Variants in MRC1 observed in about 807,000 individuals in gnomAD.
MRC1 encodes the protein mannose receptor C-type 1, also known as macrophage mannose receptor 1.
A neutral mutation model predicts 102.9 loss-of-function variants in MRC1; 62 were observed. That is an observed-to-expected ratio of 0.60 (90% CI 0.49 to 0.74). The LOEUF is 0.74. Ranked by LOEUF, MRC1 falls within the 30% of genes least tolerant of loss-of-function variation. MRC1 has a pLI of 0.00. For synonymous variants in MRC1, 457 were observed against 298.4 expected, an observed-to-expected ratio of 1.53 and a Z score of -5.48; for missense variants, 1,237 against 862.8, an observed-to-expected ratio of 1.43 and a Z score of -5.43.
intron 1 of MRC1, among the ~76,000 whole-genome samples, chr10:17,816,928 G>A (rs1471141209): frequency 6.6e-6 from 1 of 152,080 alleles, no homozygotes; most frequent in African/African-American, 2.4e-5. Flanking sequence ...CTTGTTCAAT[G>A]TTGCGGCATA....
In MRC1 at chr10:17,910,329, A is replaced by C. The variant is rs1031747304; in HGVS notation, c.4235A>C (p.Lys1412Thr). The change falls in exon 30 of 30, where the codon AAG becomes ACG. Residue 1412 changes from lysine (K) to threonine (T), a missense_variant. Transcript: ENST00000569591. ...GGCCTTGCCGCCTATTTCTTTTATA[A>C]GAAAAGACGTGTGCACCTACCTCAA... ...GAGLAAYFFY[K>T]KRRVHLPQEG... 2.0e-5 allele frequency: 16 copies of C among 780,842 alleles called. No homozygotes were observed. The highest frequency in any genetic ancestry group is 2.2e-5 in the Non-Finnish European group (9 of 417,962). The allele number at this position is 780,842 out of a possible 1,614,324, so 48.4% of individuals were successfully genotyped here.
intron 4 of MRC1, among the ~76,000 whole-genome samples, chr10:17,836,032 G>A (rs1217275402): frequency 6.6e-6 from 1 of 152,240 alleles, no homozygotes; most frequent in Non-Finnish European, 1.5e-5. Context: ...CTAGGTCCCA[G>A]CTCTGTGAAA....
At chr10:17,840,882 A>C in intron 5 of MRC1, 76 bp downstream of exon 5, 1 of 779,202 alleles carries the variant, frequency 1.3e-6, no homozygotes, top group South Asian at 1.3e-5. Flanking sequence ...TTATTATCTC[A>C]CCTGTTGATC....
chr10:17,862,143 A>G (rs1342719740), intron 10 of MRC1, among the ~76,000 whole-genome samples: 1 of 152,232 alleles, frequency 6.6e-6, no homozygotes, highest in African/African-American at 2.4e-5. Flanking sequence ...TAACAAAATT[A>G]TGGAGTTTTA....
chr10:17,905,623 A>G lies in MRC1; in HGVS notation c.3800-1263A>G, dbSNP rs1001000967. Reference sequence around the variant, plus strand: ...TGCTTCTCATTCTCATTCTCAAAATATGAGTCATAAATATTTTGAAACGGC... The same window carrying G: ...TGCTTCTCATTCTCATTCTCAAAATGTGAGTCATAAATATTTTGAAACGGC... On this transcript the variant is annotated intron_variant, in intron 26 of 29. Transcript: ENST00000569591. 1.6e-4 allele frequency among the ~76,000 whole-genome samples: 25 copies of G among 151,604 alleles called. 1 individual carries two copies. Among genetic ancestry groups the G allele is most frequent in the Non-Finnish European group, 3.5e-4 (24 of 67,898 alleles).
At chr10:17,836,331 C>G (rs1304859825) in intron 4 of MRC1, among the ~76,000 whole-genome samples, 1 of 152,176 alleles carries the variant, frequency 6.6e-6, no homozygotes, top group African/African-American at 2.4e-5. Flanking sequence ...CTCAATTATT[C>G]TGTTTTGCAT....
intron 18 of MRC1, among the ~76,000 whole-genome samples, chr10:17,878,954 G>T (rs1470170450): frequency 1.3e-5 from 2 of 152,144 alleles, no homozygotes; most frequent in African/African-American, 4.8e-5. Flanking sequence ...GGCTCTCACA[G>T]TCTCTGAATT....
chr10:17,856,678 TC>T (rs1833097710), intron 9 of MRC1, among the ~76,000 whole-genome samples: 1 of 152,122 alleles, frequency 6.6e-6, no homozygotes, highest in Non-Finnish European at 1.5e-5. Flanking sequence ...GAAGGTGTCA[TC>T]CACCTTCTAT....
At chr10:17,904,082 A>T (rs1554843812) in intron 26 of MRC1, among the ~76,000 whole-genome samples, 1 of 152,216 alleles carries the variant, frequency 6.6e-6, no homozygotes, top group East Asian at 1.9e-4. Context: ...GCAGACAAAA[A>T]CAACTTTATC....
rs917225112 is a variant in MRC1, at chr10:17,845,379, T to C, written c.1007T>C (p.Leu336Pro). ...GAAAATCTGGAATGTGTTCAGAAAC[T>C]GGGCTATATTTGCAAAAAGGGCAAC... ...KWENLECVQKLGYICKKGNTT... is the reference protein window; with the variant it reads ...KWENLECVQKPGYICKKGNTT... The change falls in exon 6 of 30, where the codon CTG (leucine) becomes CCG (proline). Residue 336 changes from leucine (L) to proline (P), a missense_variant. Transcript: ENST00000569591. The C allele has an allele frequency of 1.3e-6, 1 of 780,886 alleles. No homozygotes were observed. Among genetic ancestry groups the C allele is most frequent in the Admixed American group, 1.7e-5 (1 of 59,042 alleles). 48.4% of individuals were successfully genotyped at this position (780,886 alleles called of 1,614,324 possible).
chr10:17,809,897 C>G (rs1449280249), intron 1 of MRC1, among the ~76,000 whole-genome samples: 6 of 152,162 alleles, frequency 3.9e-5, no homozygotes, highest in African/African-American at 1.4e-4. Flanking sequence ...TCTGTCTCAC[C>G]GCCAACAAAC....
At chr10:17,846,992 G>T (rs1838835073) in intron 6 of MRC1, among the ~76,000 whole-genome samples, 1 of 152,176 alleles carries the variant, frequency 6.6e-6, no homozygotes, top group Non-Finnish European at 1.5e-5. Flanking sequence ...AATTTTAATT[G>T]ATATAGATTT....
intron 11 of MRC1, 108 bp downstream of exon 11, chr10:17,863,790 G>T: frequency 1.5e-6 from 1 of 677,668 alleles, no homozygotes; most frequent in South Asian, 1.8e-5. Context: ...AATTAGTCAT[G>T]CTTTTAGTAA....
chr10:17,896,314 A>G (rs1007818128), intron 23 of MRC1, among the ~76,000 whole-genome samples: 3 of 152,202 alleles, frequency 2.0e-5, no homozygotes, highest in Non-Finnish European at 4.4e-5. Flanking sequence ...GTACTCCTGC[A>G]ATCCTAACCT....
Position 17,909,345 on chromosome 10 carries a change from A to C in MRC1, c.4118A>C (p.Lys1373Thr). The change falls in exon 29 of 30, where the codon AAA (lysine) becomes ACA (threonine). Residue 1373 changes from lysine to threonine, a missense_variant and splice_region_variant. By Grantham distance (78) the Lys-to-Thr change is moderately conservative. Transcript: ENST00000569591. ...AKPTHELLTT[K>T]ADTRKMDPSK... Reference sequence around the variant, plus strand: ...CCTACTCATGAATTACTTACAACAAAAGGTAAGGCCATTGCAAAATTTCAA... The same window carrying C: ...CCTACTCATGAATTACTTACAACAACAGGTAAGGCCATTGCAAAATTTCAA... 1 of 871,936 alleles carries C rather than the reference A, an allele frequency of 1.1e-6. No individual in the cohort carries two copies. Among genetic ancestry groups the C allele is most frequent in the South Asian group, 1.3e-5 (1 of 76,482 alleles). 54.0% of individuals were successfully genotyped at this position (871,936 alleles called of 1,614,324 possible).
chr10:17,850,590 A>G (rs901030693), intron 7 of MRC1, among the ~76,000 whole-genome samples: 36 of 152,304 alleles, frequency 2.4e-4, no homozygotes, highest in African/African-American at 3.6e-4. Context: ...CAGCATAATG[A>G]TAATGGGCAC....
At chr10:17,889,466 G>A (rs1344544013) in intron 22 of MRC1, among the ~76,000 whole-genome samples, 2 of 151,628 alleles carry the variant, frequency 1.3e-5, no homozygotes, top group Non-Finnish European at 2.9e-5. Flanking sequence ...GGGTCTTTCT[G>A]TGTTACCCAG....
intron 1 of MRC1, among the ~76,000 whole-genome samples, chr10:17,815,632 A>G (rs1478799757): frequency 6.6e-6 from 1 of 152,112 alleles, no homozygotes; most frequent in Non-Finnish European, 1.5e-5. Flanking sequence ...GGAAGTTGGA[A>G]GAGTTTCTTG....
At position 17,885,498 on chromosome 10, in the gene MRC1, T is replaced by G. The variant is rs1589191493; in HGVS notation, c.3147+63T>G. 3 of 766,726 alleles carry G rather than the reference T, an allele frequency of 3.9e-6. No homozygotes were observed. In the East Asian group the frequency reaches 7.3e-5, roughly 19 times the overall value. The allele number at this position is 766,726 out of a possible 1,614,324, so 47.5% of individuals were successfully genotyped here. A position where few individuals can be genotyped will look rare whatever the true frequency, so the allele number is the denominator to read the frequency against. On this transcript the variant is annotated intron_variant, in intron 22 of 29. Coordinates refer to ENST00000569591, the MANE Select transcript of MRC1 (RefSeq NM_002438.4). Reference sequence around the variant, plus strand: ...CAGCTTGCACAGGGTTATCATCTTATTGATTACTGTTCCATGAAAGAATCT... The same window carrying G: ...CAGCTTGCACAGGGTTATCATCTTAGTGATTACTGTTCCATGAAAGAATCT...
Sources: allele counts gnomAD v4.1 joint callset (sites outside exome capture counted in the v4.1 genomes callset), GRCh38; gene constraint gnomAD v4.1.1; transcripts MANE v1.5; gene names NCBI Gene and HGNC (gene_info 2026-07-23, HGNC 2026-07-21).